Variants in PKN2 observed in about 807,000 individuals in gnomAD.
The protein encoded by PKN2 is protein kinase N2.
In PKN2, 38 loss-of-function variants were observed where a neutral mutation model predicts 119.1. The observed-to-expected ratio is 0.32, with a 90% confidence interval of 0.25 to 0.42. The LOEUF (loss-of-function observed/expected upper bound fraction) is 0.42. PKN2 is among the 10% of genes least tolerant of loss of function. The probability of loss-of-function intolerance (pLI) is 1.00; values close to 1 mark genes in which losing one functional copy is unlikely to be tolerated. For missense variants in PKN2, 850 were observed against 1,165.1 expected (o/e 0.73, Z 3.94); for synonymous variants, 390 against 384.9 (o/e 1.01, Z -0.15).
intron 1 of PKN2, among the ~76,000 whole-genome samples, chr1:88,723,410 G>GC (rs35424856): frequency 0.46 from 57,486 of 124,554 alleles, 13,034 homozygotes; most frequent in South Asian, 0.67. Context: ...ACCGTGCCCT[G>GC]CCCCCCCCCC....
intron 1 of PKN2, among the ~76,000 whole-genome samples, chr1:88,689,337 T>G (rs1426587886): frequency 2.0e-5 from 3 of 152,202 alleles, no homozygotes; most frequent in Non-Finnish European, 4.4e-5. Context: ...TTTTTTTCTT[T>G]ATCTCATTTT....
At chr1:88,792,133 G>A (rs373893664) in intron 8 of PKN2, among the ~76,000 whole-genome samples, 6 of 152,144 alleles carry the variant, frequency 3.9e-5, no homozygotes, top group East Asian at 1.9e-4. Context: ...GGCCGGGTGC[G>A]TTGGCTCACG....
Position 88,818,521 on chromosome 1 carries a change from G to A in PKN2, c.2280-3420G>A, listed in dbSNP as rs1026338820. On this transcript the variant is annotated intron_variant, in intron 16 of 21. Transcript: ENST00000370521. ...AAATTAGATAGGCATGGTGGTACAC[G>A]CCTGTAATCCCAGCTACTCGGGAGA... 5.9e-5 allele frequency among the ~76,000 whole-genome samples: 9 copies of A among 151,860 alleles called. No homozygotes were observed. In the South Asian group the frequency reaches 1.5e-3, roughly 25 times the overall value.
At chr1:88,698,559 G>T (rs530417343) in intron 1 of PKN2, among the ~76,000 whole-genome samples, 6 of 152,206 alleles carry the variant, frequency 3.9e-5, no homozygotes, top group South Asian at 2.1e-4. Context: ...ATTAATAGGC[G>T]CTTACATTGC....
At chr1:88,754,967 T>C (rs1186729906) in intron 2 of PKN2, among the ~76,000 whole-genome samples, 1 of 152,208 alleles carries the variant, frequency 6.6e-6, no homozygotes, top group Non-Finnish European at 1.5e-5. Flanking sequence ...AAATACTTTT[T>C]CAGTAATATT....
chr1:88,784,728 TG>T lies in PKN2; in HGVS notation c.1077del (p.Trp359Ter). ...SKATSVALPG[W>X]SPSETRSSFM... Reference sequence around the variant, plus strand: ...AGCAACATCAGTTGCACTGCCTGGTTGGAGTCCAAGTGAAACCAGATCATCT... The same window carrying T: ...AGCAACATCAGTTGCACTGCCTGGTTGAGTCCAAGTGAAACCAGATCATCT... On this transcript the variant is annotated frameshift_variant, in exon 7 of 22. Coordinates refer to ENST00000370521, the MANE Select transcript of PKN2 (RefSeq NM_006256.4). LOFTEE classifies it high-confidence loss of function. 6.2e-7 allele frequency: 1 copy of T among 1,612,728 alleles called. No homozygotes were observed. Among genetic ancestry groups the T allele is most frequent in the Non-Finnish European group, 8.5e-7 (1 of 1,178,996 alleles).
chr1:88,769,156 C>G (rs545592988), intron 3 of PKN2, among the ~76,000 whole-genome samples: 1 of 152,312 alleles, frequency 6.6e-6, no homozygotes, highest in South Asian at 2.1e-4. Context: ...GAGGGACAAA[C>G]ATCCAAACCA....
chr1:88,776,477 C>T (rs1283355810), intron 6 of PKN2, among the ~76,000 whole-genome samples: 1 of 151,826 alleles, frequency 6.6e-6, no homozygotes, highest in Non-Finnish European at 1.5e-5. Context: ...CAGTGGCTCA[C>T]ACCTATAATC....
At chr1:88,792,180 G>A (rs1366372571) in intron 8 of PKN2, among the ~76,000 whole-genome samples, 6 of 152,102 alleles carry the variant, frequency 3.9e-5, no homozygotes, top group African/African-American at 1.2e-4. Context: ...CGAGGCGGGC[G>A]GATCACCTGA....
rs1198415433 is a variant in PKN2, at chr1:88,684,466, TG to T, written c.-114del. ...GGCTGCGCCTCCATGAATCCCTAGT[TG>T]TTTTTTTTTTTTTCTTTCTCTCCCC... is the stretch of plus-strand genomic sequence containing the variant. On this transcript the variant is annotated 5_prime_UTR_variant, in exon 1 of 22. Coordinates refer to ENST00000370521, the MANE Select transcript of PKN2 (RefSeq NM_006256.4). The T allele has an allele frequency of 5.9e-6, 5 of 851,674 alleles. No homozygotes were observed. The highest frequency in any genetic ancestry group is 2.7e-4 in the Middle Eastern group (1 of 3,690). The allele number at this position is 851,674 out of a possible 1,614,324, so 52.8% of individuals were successfully genotyped here.
chr1:88,768,672 G>C (rs939573153), intron 3 of PKN2, among the ~76,000 whole-genome samples: 38 of 152,178 alleles, frequency 2.5e-4, no homozygotes, highest in African/African-American at 8.4e-4. Context: ...TGACATCTTC[G>C]AGTAGGTCAT....
At chr1:88,718,153 C>G (rs1420865371) in intron 1 of PKN2, among the ~76,000 whole-genome samples, 1 of 152,202 alleles carries the variant, frequency 6.6e-6, no homozygotes, top group Non-Finnish European at 1.5e-5. Context: ...TATTGCAGAA[C>G]AGCAAATGTT....
intron 16 of PKN2, among the ~76,000 whole-genome samples, chr1:88,820,268 C>G (rs1672220298): frequency 7.3e-6 from 1 of 137,750 alleles, no homozygotes; most frequent in South Asian, 2.2e-4. Context: ...GGCACCATGG[C>G]TCATGCCTGT....
At chr1:88,726,488 G>C (rs1667902056) in intron 1 of PKN2, among the ~76,000 whole-genome samples, 1 of 152,022 alleles carries the variant, frequency 6.6e-6, no homozygotes, top group African/African-American at 2.4e-5. Context: ...ATGGATTTTT[G>C]CATATTGAAC....
rs534950491 is a variant in PKN2 at position 88,743,749 on chromosome 1, G to A, written c.349+2461G>A. ...AAAATAGAAAAACACCCAGCAAATC[G>A]CATCTTATATTAGTCTTTAGAATTA... is the stretch of plus-strand genomic sequence containing the variant. On this transcript the variant is annotated intron_variant, in intron 2 of 21. Coordinates refer to ENST00000370521, the MANE Select transcript of PKN2 (RefSeq NM_006256.4). Among the ~76,000 whole-genome samples, 7 of 152,146 alleles carry A rather than the reference G, an allele frequency of 4.6e-5. No homozygotes were observed. The South Asian group carries it at 1.5e-3, about 32-fold the overall frequency.
intron 8 of PKN2, among the ~76,000 whole-genome samples, chr1:88,791,834 A>G (rs1670854897): frequency 6.6e-6 from 1 of 152,212 alleles, no homozygotes; most frequent in Non-Finnish European, 1.5e-5. Flanking sequence ...TCTCATAGCA[A>G]CCATGGCAGT....
intron 1 of PKN2, among the ~76,000 whole-genome samples, chr1:88,722,360 T>G (rs1420402986): frequency 6.6e-6 from 1 of 152,230 alleles, no homozygotes. Flanking sequence ...GAGGTCTGTC[T>G]TTATTTCTGA....
chr1:88,719,058 T>G (rs908165550), intron 1 of PKN2, among the ~76,000 whole-genome samples: 3 of 152,182 alleles, frequency 2.0e-5, no homozygotes, highest in African/African-American at 7.2e-5. Context: ...TTACAAACCC[T>G]CATGGTAATT....
At chr1:88,707,007 T>C (rs1311219256) in intron 1 of PKN2, among the ~76,000 whole-genome samples, 1 of 152,086 alleles carries the variant, frequency 6.6e-6, no homozygotes, top group Non-Finnish European at 1.5e-5. Flanking sequence ...ATCTTGTCTG[T>C]TTTTGGTTTT....
Sources: gnomAD v4.1 joint callset for allele counts (sites outside exome capture counted in the v4.1 genomes callset) on GRCh38, gnomAD v4.1.1 for gene constraint, MANE v1.5 for transcripts, NCBI Gene and HGNC (gene_info 2026-07-23, HGNC 2026-07-21) for gene names.